CDH18: variants seen among roughly 807,000 people sequenced by gnomAD.
The protein encoded by CDH18 is cadherin 18.
A neutral mutation model predicts 67.9 loss-of-function variants in CDH18; 31 were observed. The ratio of observed to expected loss-of-function variants is 0.46; its 90% CI spans 0.34 to 0.62. CDH18 has a LOEUF of 0.62. Ranked by LOEUF, CDH18 falls within the 20% of genes least tolerant of loss-of-function variation. The pLI, the probability that CDH18 is intolerant of heterozygous loss-of-function variation, is 0.01. For synonymous variants in CDH18, 362 were observed against 347.2 expected, an observed-to-expected ratio of 1.04 and a Z score of -0.48; for missense variants, 890 against 975.5, an observed-to-expected ratio of 0.91 and a Z score of 1.17.
At chr5:20,195,918 A>T in intron 2 of CDH18, among the ~76,000 whole-genome samples, 1 of 152,154 alleles carries the variant, frequency 6.6e-6, no homozygotes, top group East Asian at 1.9e-4. Flanking sequence ...GGACTCAAAA[A>T]TTCCAATCAC....
At chr5:20,187,619 AGC>A (rs1738204957) in intron 2 of CDH18, among the ~76,000 whole-genome samples, 1 of 151,960 alleles carries the variant, frequency 6.6e-6, no homozygotes, top group Non-Finnish European at 1.5e-5. Context: ...CGATACAAGA[AGC>A]ATTATCTTGT....
At chr5:20,395,143 A>G (rs941712137) in intron 1 of CDH18, among the ~76,000 whole-genome samples, 1 of 152,200 alleles carries the variant, frequency 6.6e-6, no homozygotes, top group South Asian at 2.1e-4. Context: ...CTGCATGCAT[A>G]TGTTTATTGC....
chr5:19,707,824 T>C (rs1764163300), intron 5 of CDH18, among the ~76,000 whole-genome samples: 1 of 152,206 alleles, frequency 6.6e-6, no homozygotes, highest in Non-Finnish European at 1.5e-5. Context: ...GAAGATTGCA[T>C]TGCAGAACAG....
intron 2 of CDH18, among the ~76,000 whole-genome samples, chr5:20,220,670 C>A (rs957381824): frequency 6.6e-6 from 1 of 151,836 alleles, no homozygotes; most frequent in Non-Finnish European, 1.5e-5. Flanking sequence ...GGGCAAAAAC[C>A]AGCCAAGTGA....
At chr5:20,301,255 G>C (rs1010094392) in intron 1 of CDH18, among the ~76,000 whole-genome samples, 12 of 151,972 alleles carry the variant, frequency 7.9e-5, no homozygotes, top group Non-Finnish European at 1.5e-4. Context: ...TCCTTGATGG[G>C]AGCATTCAAA....
At chr5:19,836,066 T>C (rs914275913) in intron 3 of CDH18, among the ~76,000 whole-genome samples, 3 of 152,194 alleles carry the variant, frequency 2.0e-5, no homozygotes, top group African/African-American at 7.2e-5. Flanking sequence ...ACAAGTTGTC[T>C]GAATTTCCCT....
chr5:20,336,151 G>A (rs1739709926), intron 1 of CDH18, among the ~76,000 whole-genome samples: 2 of 152,204 alleles, frequency 1.3e-5, no homozygotes, highest in Non-Finnish European at 2.9e-5. Context: ...CTTCTTCCAA[G>A]GCCCACTAGA....
chr5:19,651,546 T>C lies in CDH18; in HGVS notation c.644-38945A>G, dbSNP rs182349891. On this transcript the variant is annotated intron_variant, in intron 5 of 12. Coordinates refer to ENST00000382275, the MANE Select transcript of CDH18 (RefSeq NM_004934.5). The stretch of plus-strand genomic sequence containing the variant: ...CAAAGAAGACGTTAAGGGAGACAGA[T>C]AAAAGTTTAATCAGAGACAGTATTT... Among the ~76,000 whole-genome samples the C allele has an allele frequency of 2.1e-3, 327 of 152,118 alleles. 1 individual carries two copies. Among genetic ancestry groups the C allele is most frequent in the African/African-American group, 7.2e-3 (300 of 41,568 alleles).
At chr5:20,324,585 G>T (rs1580753342) in intron 1 of CDH18, among the ~76,000 whole-genome samples, 1 of 149,818 alleles carries the variant, frequency 6.7e-6, no homozygotes, top group Non-Finnish European at 1.5e-5. Flanking sequence ...TATTGTGTCA[G>T]ACTTCTAAAA....
intron 2 of CDH18, among the ~76,000 whole-genome samples, chr5:19,871,402 T>G (rs1256874520): frequency 6.6e-6 from 1 of 152,168 alleles, no homozygotes; most frequent in Non-Finnish European, 1.5e-5. Context: ...TTTTTTTATT[T>G]CTATAAACTT....
At chr5:19,528,361 A>T (rs911331140) in intron 9 of CDH18, among the ~76,000 whole-genome samples, 122 of 151,844 alleles carry the variant, frequency 8.0e-4, no homozygotes, top group African/African-American at 2.9e-3. Flanking sequence ...AACAAAATGG[A>T]TTATAAGTTT....
intron 2 of CDH18, among the ~76,000 whole-genome samples, chr5:19,995,015 T>C (rs967445314): frequency 6.6e-6 from 1 of 150,840 alleles, no homozygotes; most frequent in Admixed American, 6.6e-5. Flanking sequence ...TGAGCACCAA[T>C]GCTCAAGGAC....
chr5:20,521,430 G>A (rs959581207), intron 1 of CDH18, among the ~76,000 whole-genome samples: 5 of 152,202 alleles, frequency 3.3e-5, no homozygotes, highest in Admixed American at 3.3e-4. Context: ...AGACTTAGGA[G>A]TTTGAATTAG....
intron 1 of CDH18, among the ~76,000 whole-genome samples, chr5:20,406,536 C>A (rs1416951817): frequency 2.6e-5 from 4 of 151,706 alleles, no homozygotes; most frequent in African/African-American, 9.7e-5. Flanking sequence ...TGTAATGAAC[C>A]TGTACGTTGT....
chr5:19,532,685 A>C (rs1247320943), intron 9 of CDH18, among the ~76,000 whole-genome samples: 1 of 152,174 alleles, frequency 6.6e-6, no homozygotes, highest in Non-Finnish European at 1.5e-5. Context: ...TTAGGACCCA[A>C]AGAAAGCTCT....
At chr5:19,796,000 C>CA (rs1776815334) in intron 3 of CDH18, among the ~76,000 whole-genome samples, 2 of 152,014 alleles carry the variant, frequency 1.3e-5, no homozygotes, top group South Asian at 4.1e-4. Flanking sequence ...AGAATAGAAT[C>CA]AGTTAACTTG....
At chr5:19,627,840 A>G (rs1330459982) in intron 5 of CDH18, among the ~76,000 whole-genome samples, 18 of 152,134 alleles carry the variant, frequency 1.2e-4, no homozygotes. Flanking sequence ...CATTCATGGG[A>G]CCAGAATATC....
At chr5:20,070,659 T>C (rs1362903809) in intron 2 of CDH18, among the ~76,000 whole-genome samples, 4 of 152,186 alleles carry the variant, frequency 2.6e-5, no homozygotes, top group Admixed American at 6.5e-5. Context: ...TGAGTCCTTG[T>C]TCCATCAGGA....
intron 3 of CDH18, among the ~76,000 whole-genome samples, chr5:19,753,326 A>T (rs1771107101): frequency 6.6e-6 from 1 of 152,222 alleles, no homozygotes; most frequent in Admixed American, 6.5e-5. Context: ...AATGAAATAG[A>T]TTGCATAAAC....
Sources: gnomAD v4.1 joint callset for allele counts (sites outside exome capture counted in the v4.1 genomes callset) on GRCh38, gnomAD v4.1.1 for gene constraint, MANE v1.5 for transcripts, NCBI Gene and HGNC (gene_info 2026-07-23, HGNC 2026-07-21) for gene names.